The following TUBGCP4 variants were observed in gnomAD, a reference collection of about 807,000 sequenced individuals.
TUBGCP4 encodes the protein gamma-tubulin complex component 4.
In TUBGCP4, 54 loss-of-function variants were observed where a neutral mutation model predicts 91.6. The ratio of observed to expected loss-of-function variants is 0.59; its 90% confidence interval spans 0.47 to 0.74. TUBGCP4 has a LOEUF of 0.74. Ranked by LOEUF, TUBGCP4 falls within the 30% of genes least tolerant of loss-of-function variation. The probability of loss-of-function intolerance (pLI) is 0.00; values close to 1 mark genes in which losing one functional copy is unlikely to be tolerated. For synonymous variants in TUBGCP4, 297 were observed against 302.8 expected, an observed-to-expected ratio of 0.98 and a Z score of 0.20; for missense variants, 593 against 800.9, an observed-to-expected ratio of 0.74 and a Z score of 3.13.
chr15:43,400,334 G>A, intron 14 of TUBGCP4, 113 bp downstream of exon 14: 3 of 730,724 alleles, frequency 4.1e-6, no homozygotes, highest in East Asian at 2.7e-5. Context: ...GTGGGGTTTG[G>A]GAAAATTCAG....
rs1362141425 is a variant in TUBGCP4, at chr15:43,379,981, G to C, written c.442-103G>C. On this transcript the variant is annotated intron_variant, in intron 5 of 17. Transcript: ENST00000564079. ...AATCTTAGGAGAAAGTTTATCCCCA[G>C]TCTCTCCTAGATTGTGCCCTCTTGG... The C allele has an allele frequency of 5.5e-6, 6 of 1,084,750 alleles. No homozygotes were observed. The African/African-American group carries it at 9.4e-5, about 17-fold the overall frequency. The allele number at this position is 1,084,750 out of a possible 1,614,324, so 67.2% of individuals were successfully genotyped here.
At chr15:43,396,766 G>A (rs2044587645) in intron 11 of TUBGCP4, among the ~76,000 whole-genome samples, 1 of 152,140 alleles carries the variant, frequency 6.6e-6, no homozygotes, top group Non-Finnish European at 1.5e-5. Flanking sequence ...ATGGTAGCAA[G>A]ATAGTCTCTA....
chr15:43,404,375 G>C, intron 16 of TUBGCP4, 38 bp from the exon 17 acceptor site: 1 of 1,612,448 alleles, frequency 6.2e-7, no homozygotes, highest in South Asian at 1.1e-5. Context: ...GAGTTGGTGA[G>C]CTGAAGTGGA....
At chr15:43,375,820 C>T (rs896954079) in intron 1 of TUBGCP4, among the ~76,000 whole-genome samples, 2 of 152,116 alleles carry the variant, frequency 1.3e-5, no homozygotes, top group East Asian at 1.9e-4. Context: ...CAGGTAATAG[C>T]GGCTGCTTCT....
intron 1 of TUBGCP4, among the ~76,000 whole-genome samples, chr15:43,373,477 T>A (rs891204934): frequency 1.3e-5 from 2 of 152,222 alleles, no homozygotes; most frequent in Middle Eastern, 3.2e-3. Context: ...GTGGTTGGGA[T>A]ATGTGCTTTA....
At chr15:43,388,294 C>A (rs905675375) in intron 9 of TUBGCP4, among the ~76,000 whole-genome samples, 2 of 152,208 alleles carry the variant, frequency 1.3e-5, no homozygotes, top group African/African-American at 4.8e-5. Flanking sequence ...GTTAGAAGCA[C>A]AGTAATCTAT....
intron 1 of TUBGCP4, 103 bp downstream of exon 1, chr15:43,371,535 G>C (rs1460752357): frequency 4.8e-5 from 57 of 1,181,758 alleles, no homozygotes; most frequent in Non-Finnish European, 6.5e-5. Context: ...GGGGCTTCCA[G>C]GGCTGGGGGC....
chr15:43,400,111 G>A lies in TUBGCP4; in HGVS notation c.1486G>A (p.Ala496Thr), dbSNP rs755222275. The A allele has an allele frequency of 6.2e-7, 1 of 1,614,182 alleles. No homozygotes were observed. The highest frequency in any genetic ancestry group is 8.5e-7 in the Non-Finnish European group (1 of 1,180,028). ...GCAAGCTGAGCTGCAGCACTGCTGG[G>A]CCCTACAAATGCAGCGCAAGCACCT... is the stretch of plus-strand genomic sequence containing the variant. ...RVQAELQHCW[A>T]LQMQRKHLKS... is the part of the protein sequence containing the mutation. Residue 496 changes from alanine to threonine, a missense_variant, in exon 14 of 18, where the codon GCC (alanine) becomes ACC (threonine). By Grantham distance (58) the Ala-to-Thr change is moderately conservative. Transcript: ENST00000564079.
At chr15:43,394,989 CTA>C in intron 9 of TUBGCP4, 116 bp from the exon 10 acceptor site, 4 of 1,065,786 alleles carry the variant, frequency 3.8e-6, no homozygotes, top group Non-Finnish European at 5.8e-6. Context: ...GTAAATTTTT[CTA>C]TGTGGGGCAA....
intron 4 of TUBGCP4, chr15:43,377,460 T>C (rs555716571): frequency 1.7e-4 from 53 of 303,928 alleles, no homozygotes; most frequent in African/African-American, 1.1e-3. Flanking sequence ...CTGTCTCTAC[T>C]AAACATACAA....
Position 43,371,353 on chromosome 15 carries a change from G to A in TUBGCP4, c.-2G>A. 6.2e-7 allele frequency: 1 copy of A among 1,613,866 alleles called. No homozygotes were observed. Among genetic ancestry groups the A allele is most frequent in the South Asian group, 1.1e-5 (1 of 90,960 alleles). ...ACCAGGGACTCGAGGTCCGCCGTGG[G>A]AATGATCCACGAACTGCTCTTGGCT... On this transcript the variant is annotated 5_prime_UTR_variant, in exon 1 of 18. Coordinates refer to ENST00000564079, the MANE Select transcript of TUBGCP4 (RefSeq NM_014444.5).
At chr15:43,378,039 T>A in intron 5 of TUBGCP4, 136 bp downstream of exon 5, 1 of 640,940 alleles carries the variant, frequency 1.6e-6, no homozygotes, top group Non-Finnish European at 2.6e-6. Flanking sequence ...AATATCTGCT[T>A]GGTTATCATG....
intron 3 of TUBGCP4, 32 bp downstream of exon 3, chr15:43,376,657 G>A: frequency 1.9e-6 from 3 of 1,613,696 alleles, no homozygotes; most frequent in Non-Finnish European, 2.5e-6. Context: ...AAACACCTCT[G>A]GGACAGTAGA....
chr15:43,385,300 T>A (rs1047183256), intron 7 of TUBGCP4: 1 of 454,592 alleles, frequency 2.2e-6, no homozygotes, highest in Non-Finnish European at 4.4e-6. Flanking sequence ...GTCTGGAAGA[T>A]CCATAGCTTT....
chr15:43,386,854 G>A (rs2142821218), intron 9 of TUBGCP4, among the ~76,000 whole-genome samples: 1 of 151,302 alleles, frequency 6.6e-6, no homozygotes, highest in South Asian at 2.1e-4. Context: ...AAGTAGAAAA[G>A]AAAAGCCTCT....
intron 16 of TUBGCP4, chr15:43,404,018 T>G: frequency 1.8e-6 from 1 of 564,040 alleles, no homozygotes; most frequent in Non-Finnish European, 3.2e-6. Context: ...CCTGAATAGT[T>G]TATTCAGCCC....
In TUBGCP4 at chr15:43,405,207, G is replaced by C. The variant is rs759268445; in HGVS notation, c.1994G>C (p.Gly665Ala). The change falls in exon 18 of 18, where the codon GGG (glycine) becomes GCG (alanine). Residue 665 changes from glycine to alanine, a missense_variant. Coordinates refer to ENST00000564079, the MANE Select transcript of TUBGCP4 (RefSeq NM_014444.5). ...GCTCTTTTTCTCTTTTGTAGTTTCG[G>C]GATGTGAAAATTTCTGGCTCATAAA... ...TQAGGTLGSF[G>A]M The C allele has an allele frequency of 3.7e-6, 6 of 1,613,960 alleles. No individual in the cohort carries two copies. The Admixed American group carries it at 6.7e-5, about 18-fold the overall frequency.
intron 9 of TUBGCP4, among the ~76,000 whole-genome samples, chr15:43,392,122 A>T (rs1003776699): frequency 4.9e-5 from 7 of 142,272 alleles, no homozygotes; most frequent in South Asian, 2.2e-4. Context: ...ACACACACAT[A>T]TTTTTTTTTG....
chr15:43,401,915 A>G, intron 15 of TUBGCP4, 65 bp downstream of exon 15: 4 of 1,565,968 alleles, frequency 2.6e-6, no homozygotes, highest in Non-Finnish European at 2.6e-6. Context: ...AGGCAGTTTG[A>G]GTTGACAGGA....
Sources: gnomAD v4.1 joint callset for allele counts (sites outside exome capture counted in the v4.1 genomes callset) on GRCh38, gnomAD v4.1.1 for gene constraint, MANE v1.5 for transcripts, NCBI Gene and HGNC (gene_info 2026-07-23, HGNC 2026-07-21) for gene names.